The following PPP3CA variants were observed in gnomAD, a reference collection of about 807,000 sequenced individuals.
The protein encoded by PPP3CA is protein phosphatase 3 catalytic subunit alpha, also known as CAM-PRP catalytic subunit.
PPP3CA carries 14 observed loss-of-function variants against 66.5 expected under a neutral mutation model. That is an observed-to-expected ratio of 0.21 (90% CI 0.14 to 0.33). The LOEUF is 0.33. Among genes scored for constraint, PPP3CA ranks in the 10% least tolerant of loss-of-function variants. The pLI, the probability that PPP3CA is intolerant of heterozygous loss-of-function variation, is 1.00. For synonymous variants in PPP3CA, 232 were observed against 226.2 expected (o/e 1.03, Z -0.23); for missense variants, 317 against 639.5 (o/e 0.50, Z 5.44).
chr4:101,075,487 A>C (rs1578423171), intron 8 of PPP3CA, among the ~76,000 whole-genome samples: 1 of 152,284 alleles, frequency 6.6e-6, no homozygotes, highest in East Asian at 1.9e-4. Flanking sequence ...CTACTCATCT[A>C]ATCACCCGTC....
chr4:101,247,550 G>C (rs13115754), intron 1 of PPP3CA, among the ~76,000 whole-genome samples: 84,904 of 151,978 alleles, frequency 0.56, 27,486 homozygotes, highest in Non-Finnish European at 0.74. Flanking sequence ...ACTAAACACA[G>C]TATGAGCATC....
At chr4:101,301,434 T>C (rs976092021) in intron 1 of PPP3CA, among the ~76,000 whole-genome samples, 2 of 147,086 alleles carry the variant, frequency 1.4e-5, no homozygotes, top group African/African-American at 2.5e-5. Flanking sequence ...ATATAATATA[T>C]ATTAATTATA....
At chr4:101,139,994 T>G (rs1722753885) in intron 2 of PPP3CA, among the ~76,000 whole-genome samples, 1 of 152,140 alleles carries the variant, frequency 6.6e-6, no homozygotes, top group South Asian at 2.1e-4. Context: ...TAGCTGTTGG[T>G]AACAAATTAT....
At position 101,273,091 on chromosome 4, in the gene PPP3CA, C is replaced by A. The variant is rs141124730; in HGVS notation, c.58+73648G>T. On this transcript the variant is annotated intron_variant, in intron 1 of 13. Coordinates refer to ENST00000394854, the MANE Select transcript of PPP3CA (RefSeq NM_000944.5). Reference sequence around the variant, plus strand: ...AAAGGACAAGAATTTTATAAATTTTCATTATTGATCCTCCAATTCATGACT... The same window carrying A: ...AAAGGACAAGAATTTTATAAATTTTAATTATTGATCCTCCAATTCATGACT... 1.1e-3 allele frequency among the ~76,000 whole-genome samples: 160 copies of A among 151,594 alleles called. 1 individual carries two copies. The highest frequency in any genetic ancestry group is 6.8e-3 in the Middle Eastern group (2 of 294).
chr4:101,093,793 C>T lies in PPP3CA; in HGVS notation c.765G>A (p.Gly255=). The T allele has an allele frequency of 6.2e-7, 1 of 1,612,104 alleles. No individual in the cohort carries two copies. The highest frequency in any genetic ancestry group is 8.5e-7 in the Non-Finnish European group (1 of 1,178,896). ...QEHFTHNTVR[G]CSYFYSYPAV... ...ATTCTTACCTGTAGAAGTATGAACA[C>T]CCCCTGACTGTGTTGTGAGTGAAAT... The change falls in exon 6 of 14, where the codon GGG becomes GGA. Residue 255 remains glycine (G), a synonymous_variant. Coordinates refer to ENST00000394854, the MANE Select transcript of PPP3CA (RefSeq NM_000944.5).
At position 101,097,800 on chromosome 4, in the gene PPP3CA, T is replaced by C. The variant is rs188914579; in HGVS notation, c.642+567A>G. On this transcript the variant is annotated intron_variant, in intron 5 of 13. Coordinates refer to ENST00000394854, the MANE Select transcript of PPP3CA (RefSeq NM_000944.5). ...TCTTTTTGCTGGTTTAAACAACTGT[T>C]AATAGCCAATGCTAAACTGGAGTAT... is the stretch of plus-strand genomic sequence containing the variant. Among the ~76,000 whole-genome samples, 1,229 of 152,288 alleles carry C rather than the reference T, an allele frequency of 8.1e-3. 12 individuals carry two copies. Among genetic ancestry groups the C allele is most frequent in the Non-Finnish European group, 0.012 (827 of 67,980 alleles).
intron 2 of PPP3CA, among the ~76,000 whole-genome samples, chr4:101,186,741 C>T (rs962993371): frequency 6.6e-6 from 1 of 152,122 alleles, no homozygotes; most frequent in Non-Finnish European, 1.5e-5. Flanking sequence ...TGTCACAGCA[C>T]AGCCCTCTCA....
intron 7 of PPP3CA, among the ~76,000 whole-genome samples, chr4:101,081,812 G>A (rs902161464): frequency 6.6e-6 from 1 of 152,112 alleles, no homozygotes; most frequent in African/African-American, 2.4e-5. Context: ...CTAAAAGTAT[G>A]TATTCTGATT....
chr4:101,253,377 TAATC>T (rs1402754841), intron 1 of PPP3CA, among the ~76,000 whole-genome samples: 2 of 152,236 alleles, frequency 1.3e-5, no homozygotes, highest in African/African-American at 4.8e-5. Flanking sequence ...TTCAGAAAAT[TAATC>T]AAAGATTAAA....
At position 101,145,149 on chromosome 4, in the gene PPP3CA, G is replaced by GA. The variant is rs1401199847; in HGVS notation, c.260-36072dup. ...ACTGCTCTATATATAATGTTTTCAG[G>GA]AAAAAAAATCTTAAAAGGAAACTTT... On this transcript the variant is annotated intron_variant, in intron 2 of 13. Transcript: ENST00000394854. 5.9e-5 allele frequency among the ~76,000 whole-genome samples: 9 copies of GA among 151,638 alleles called. No homozygotes were observed. The East Asian group carries it at 1.2e-3, about 19-fold the overall frequency.
At chr4:101,219,100 C>A (rs1157038) in intron 1 of PPP3CA, among the ~76,000 whole-genome samples, 26,116 of 151,908 alleles carry the variant, frequency 0.17, 3,310 homozygotes, top group East Asian at 0.33. Context: ...GCAGGGCATA[C>A]AATGGGGGAA....
chr4:101,261,015 G>C (rs551843525), intron 1 of PPP3CA, among the ~76,000 whole-genome samples: 1 of 152,172 alleles, frequency 6.6e-6, no homozygotes, highest in South Asian at 2.1e-4. Context: ...AAGAACAAAT[G>C]ATTTTTTGAC....
chr4:101,266,259 C>T (rs11933861), intron 1 of PPP3CA, among the ~76,000 whole-genome samples: 100,347 of 151,940 alleles, frequency 0.66, 34,139 homozygotes, highest in Middle Eastern at 0.75. Context: ...AAATTACTAA[C>T]AGAAGAAAAT....
chr4:101,123,473 G>A (rs1337764007), intron 2 of PPP3CA, among the ~76,000 whole-genome samples: 1 of 152,136 alleles, frequency 6.6e-6, no homozygotes, highest in Non-Finnish European at 1.5e-5. Context: ...CATATTACAG[G>A]AAGTGAAAGA....
At chr4:101,260,567 A>G (rs1726980212) in intron 1 of PPP3CA, among the ~76,000 whole-genome samples, 1 of 152,168 alleles carries the variant, frequency 6.6e-6, no homozygotes, top group African/African-American at 2.4e-5. Flanking sequence ...ATGATCCTTC[A>G]TCAAAAAATG....
intron 1 of PPP3CA, among the ~76,000 whole-genome samples, chr4:101,285,284 A>G (rs1727803152): frequency 6.6e-6 from 1 of 152,154 alleles, no homozygotes; most frequent in Non-Finnish European, 1.5e-5. Context: ...CTTTAATCAT[A>G]TCTTATCAAG....
chr4:101,164,031 A>C (rs1025238737), intron 2 of PPP3CA, among the ~76,000 whole-genome samples: 59 of 15,820 alleles, frequency 3.7e-3, no homozygotes, highest in African/African-American at 0.024. Flanking sequence ...CCCAGGCTGG[A>C]GTGCAGTGGT....
At position 101,347,215 on chromosome 4, in the gene PPP3CA, G is replaced by T; in HGVS notation, c.-419C>A. On this transcript the variant is annotated 5_prime_UTR_variant, in exon 1 of 14. Coordinates refer to ENST00000394854, the MANE Select transcript of PPP3CA (RefSeq NM_000944.5). ...CGCGCGCACACACGGCCAGGATTAA[G>T]ACCGATCACATGGGGAAGGCCGGGG... The T allele has an allele frequency of 4.1e-6, 1 of 242,488 alleles. No homozygotes were observed. Among genetic ancestry groups the T allele is most frequent in the South Asian group, 4.7e-5 (1 of 21,100 alleles). 15.0% of individuals were successfully genotyped at this position (242,488 alleles called of 1,614,324 possible).
chr4:101,162,827 A>G (rs1723562674), intron 2 of PPP3CA, among the ~76,000 whole-genome samples: 1 of 152,160 alleles, frequency 6.6e-6, no homozygotes, highest in Admixed American at 6.5e-5. Context: ...TTCTTCATTT[A>G]GAAAATGGCC....
Sources: allele counts gnomAD v4.1 joint callset (sites outside exome capture counted in the v4.1 genomes callset), GRCh38; gene constraint gnomAD v4.1.1; transcripts MANE v1.5; gene names NCBI Gene and HGNC (gene_info 2026-07-23, HGNC 2026-07-21).